Variants in XPR1 observed in about 807,000 individuals in gnomAD.
The protein encoded by XPR1 is solute carrier family 53 member 1.
Under a neutral mutation model 87.5 loss-of-function variants are expected in XPR1, and 28 were observed. The ratio of observed to expected loss-of-function variants is 0.32; its 90% CI spans 0.24 to 0.44. The LOEUF is 0.44. Ranked by LOEUF, XPR1 falls within the 20% of genes least tolerant of loss-of-function variation. The pLI is 1.00. For synonymous variants in XPR1, 300 were observed against 306.1 expected, an observed-to-expected ratio of 0.98 and a Z score of 0.21; for missense variants, 559 against 862.3, an observed-to-expected ratio of 0.65 and a Z score of 4.41.
chr1:180,743,465 A>AC (rs1246508684), intron 2 of XPR1, among the ~76,000 whole-genome samples: 1 of 152,056 alleles, frequency 6.6e-6, no homozygotes, highest in Non-Finnish European at 1.5e-5. Flanking sequence ...ACATCCACAT[A>AC]CATTGAAAAC....
intron 1 of XPR1, among the ~76,000 whole-genome samples, chr1:180,664,178 T>C (rs1655881149): frequency 6.6e-6 from 1 of 152,154 alleles, no homozygotes; most frequent in Non-Finnish European, 1.5e-5. Context: ...CCTTTTGCTC[T>C]TCCCTCTGTT....
chr1:180,730,207 G>C (rs755980881), intron 2 of XPR1, among the ~76,000 whole-genome samples: 23 of 152,058 alleles, frequency 1.5e-4, no homozygotes, highest in Non-Finnish European at 2.6e-4. Context: ...TAGGTGTGCA[G>C]CTTTATTTCT....
chr1:180,802,339 C>T (rs1022461790), intron 3 of XPR1, among the ~76,000 whole-genome samples: 1 of 152,086 alleles, frequency 6.6e-6, no homozygotes, highest in African/African-American at 2.4e-5. Flanking sequence ...AGCACAAACA[C>T]ATATATTCAG....
chr1:180,801,581 T>A (rs1649785695), intron 3 of XPR1, among the ~76,000 whole-genome samples: 1 of 151,970 alleles, frequency 6.6e-6, no homozygotes, highest in Non-Finnish European at 1.5e-5. Flanking sequence ...AGAAGGAAAT[T>A]CTCTAGGAGA....
chr1:180,709,547 C>T (rs1234666328), intron 2 of XPR1, among the ~76,000 whole-genome samples: 1 of 152,318 alleles, frequency 6.6e-6, no homozygotes, highest in East Asian at 1.9e-4. Flanking sequence ...TGTATTTAGA[C>T]AGTATGTACT....
chr1:180,736,875 A>C (rs767219372), intron 2 of XPR1, among the ~76,000 whole-genome samples: 24 of 152,188 alleles, frequency 1.6e-4, no homozygotes, highest in Admixed American at 1.4e-3. Context: ...GACAGGCCGA[A>C]AAAAGAGGCT....
intron 2 of XPR1, among the ~76,000 whole-genome samples, chr1:180,687,010 A>G (rs756834091): frequency 1.3e-5 from 2 of 152,166 alleles, no homozygotes; most frequent in Non-Finnish European, 2.9e-5. Flanking sequence ...AAGACACTTA[A>G]GGTTTAACAG....
chr1:180,783,168 C>T (rs1039009384), intron 2 of XPR1, among the ~76,000 whole-genome samples: 4 of 151,834 alleles, frequency 2.6e-5, no homozygotes, highest in Non-Finnish European at 5.9e-5. Flanking sequence ...GTGGGAGGAT[C>T]GATTGAGCCT....
At chr1:180,676,560 A>G (rs1483464756) in intron 1 of XPR1, among the ~76,000 whole-genome samples, 1 of 152,188 alleles carries the variant, frequency 6.6e-6, no homozygotes, top group African/African-American at 2.4e-5. Flanking sequence ...AAGAACCAAA[A>G]TATTACCACT....
intron 3 of XPR1, among the ~76,000 whole-genome samples, chr1:180,790,611 C>T (rs938498376): frequency 1.3e-5 from 2 of 152,156 alleles, no homozygotes; most frequent in Non-Finnish European, 2.9e-5. Context: ...GCGATCTTGG[C>T]TCACTGCAAA....
intron 13 of XPR1, among the ~76,000 whole-genome samples, chr1:180,875,865 C>CA (rs1242579637): frequency 6.6e-6 from 1 of 151,896 alleles, no homozygotes; most frequent in African/African-American, 2.4e-5. Context: ...TTATGAATAT[C>CA]AAAAAACCTA....
chr1:180,670,350 A>C (rs1325213675), intron 1 of XPR1, among the ~76,000 whole-genome samples: 1 of 151,974 alleles, frequency 6.6e-6, no homozygotes. Context: ...TGAAATGTTT[A>C]CATTTCTTTT....
intron 2 of XPR1, among the ~76,000 whole-genome samples, chr1:180,702,654 AT>A: frequency 6.6e-6 from 1 of 151,986 alleles, no homozygotes; most frequent in South Asian, 2.1e-4. Flanking sequence ...TAAAAATGGT[AT>A]CTTTTTGTTG....
intron 1 of XPR1, among the ~76,000 whole-genome samples, chr1:180,651,088 T>A (rs796864737): frequency 6.5e-4 from 99 of 152,104 alleles, no homozygotes; most frequent in African/African-American, 2.3e-3. Context: ...TGATAGTAGC[T>A]GGACATTTGG....
At chr1:180,740,151 T>C (rs1008209785) in intron 2 of XPR1, among the ~76,000 whole-genome samples, 2 of 152,188 alleles carry the variant, frequency 1.3e-5, no homozygotes, top group African/African-American at 4.8e-5. Flanking sequence ...TTTCAAACTG[T>C]ATGCTTTTAT....
At chr1:180,657,645 C>G (rs1285518520) in intron 1 of XPR1, among the ~76,000 whole-genome samples, 1 of 152,034 alleles carries the variant, frequency 6.6e-6, no homozygotes, top group Non-Finnish European at 1.5e-5. Context: ...TTCCATTGTT[C>G]TGTGTGTCTG....
intron 1 of XPR1, among the ~76,000 whole-genome samples, chr1:180,678,323 C>A: frequency 6.6e-6 from 1 of 151,966 alleles, no homozygotes; most frequent in South Asian, 2.1e-4. Flanking sequence ...AAGTTCTAAT[C>A]CTCTAATCAC....
intron 6 of XPR1, among the ~76,000 whole-genome samples, chr1:180,810,895 A>G (rs1650187445): frequency 6.6e-6 from 1 of 151,944 alleles, no homozygotes; most frequent in Admixed American, 6.6e-5. Flanking sequence ...GTGGATAGCA[A>G]AATCCGTGGA....
intron 13 of XPR1, among the ~76,000 whole-genome samples, chr1:180,877,476 A>T (rs1033872443): frequency 2.0e-5 from 3 of 152,212 alleles, no homozygotes; most frequent in African/African-American, 7.2e-5. Context: ...GGATATCCAT[A>T]TGGAAAAAAA....
Sources: allele counts gnomAD v4.1 joint callset (sites outside exome capture counted in the v4.1 genomes callset), GRCh38; gene constraint gnomAD v4.1.1; transcripts MANE v1.5; gene names NCBI Gene and HGNC (gene_info 2026-07-23, HGNC 2026-07-21).